The following CHST13 variants were observed in gnomAD, a reference collection of about 807,000 sequenced individuals.
CHST13 encodes carbohydrate sulfotransferase 13.
A neutral mutation model predicts 7.0 loss-of-function variants in CHST13; 1 was observed. The observed-to-expected ratio is 0.14, with a 90% CI of 0.05 to 0.68. The LOEUF is 0.68. CHST13 is among the 30% of genes least tolerant of loss of function. The pLI is 0.82. For missense variants in CHST13, 572 were observed against 507.9 expected (o/e 1.13, Z -1.21); for synonymous variants, 257 against 240.9 (o/e 1.07, Z -0.62).
At chr3:126,524,777 C>G (rs1936504259) in intron 1 of CHST13, among the ~76,000 whole-genome samples, 3 of 152,194 alleles carry the variant, frequency 2.0e-5, no homozygotes. Context: ...CCTGCGCACC[C>G]CACGGCCCCT....
chr3:126,524,841 G>C (rs1936505805), intron 1 of CHST13, among the ~76,000 whole-genome samples: 1 of 152,178 alleles, frequency 6.6e-6, no homozygotes, highest in East Asian at 1.9e-4. Context: ...TGGGCCACTC[G>C]GTCCGGTCCC....
At chr3:126,536,618 G>A (rs913815420) in intron 2 of CHST13, among the ~76,000 whole-genome samples, 22 of 152,046 alleles carry the variant, frequency 1.4e-4, no homozygotes, top group Admixed American at 8.5e-4. Flanking sequence ...AGATAAAAAA[G>A]AGTCAAAACA....
At chr3:126,530,033 G>A (rs1460162891) in intron 1 of CHST13, among the ~76,000 whole-genome samples, 1 of 152,216 alleles carries the variant, frequency 6.6e-6, no homozygotes, top group Non-Finnish European at 1.5e-5. Flanking sequence ...GGGGGTGGAT[G>A]CCCCAGTGTG....
At chr3:126,535,282 C>T (rs541145946) in intron 1 of CHST13, among the ~76,000 whole-genome samples, 1 of 150,892 alleles carries the variant, frequency 6.6e-6, no homozygotes, top group South Asian at 2.1e-4. Context: ...CTGTCCTCAG[C>T]TGGAGAAAGA....
At chr3:126,531,056 A>G (rs779655744) in intron 1 of CHST13, among the ~76,000 whole-genome samples, 2 of 152,264 alleles carry the variant, frequency 1.3e-5, no homozygotes, top group South Asian at 2.1e-4. Context: ...GCTGCCATCT[A>G]TTCCTTCCAC....
chr3:126,539,988 G>T (rs1312694390), intron 2 of CHST13, among the ~76,000 whole-genome samples: 1 of 72,904 alleles, frequency 1.4e-5, no homozygotes, highest in Non-Finnish European at 2.9e-5. Flanking sequence ...ACACACGCAT[G>T]ACACACACAC....
chr3:126,530,959 G>A (rs1382356391), intron 1 of CHST13, among the ~76,000 whole-genome samples: 1 of 152,282 alleles, frequency 6.6e-6, no homozygotes, highest in Admixed American at 6.5e-5. Flanking sequence ...GGGGCAGCAG[G>A]ACCCTGGACA....
At chr3:126,527,938 GC>G (rs1349752125) in intron 1 of CHST13, 2 of 152,076 alleles carry the variant, frequency 1.3e-5, no homozygotes, top group African/African-American at 4.8e-5. Context: ...GAAGTATGGG[GC>G]CAGGATTTAA....
At chr3:126,533,890 C>A (rs1936710225) in intron 1 of CHST13, among the ~76,000 whole-genome samples, 1 of 152,142 alleles carries the variant, frequency 6.6e-6, no homozygotes, top group Non-Finnish European at 1.5e-5. Flanking sequence ...ACTAATTCAA[C>A]ATCTTGACTT....
At chr3:126,539,471 C>T (rs1330758121) in intron 2 of CHST13, among the ~76,000 whole-genome samples, 1 of 148,658 alleles carries the variant, frequency 6.7e-6, no homozygotes, top group Non-Finnish European at 1.5e-5. Context: ...ACCACACACA[C>T]TGCACACACA....
Position 126,541,921 on chromosome 3 carries a change from G to T in CHST13, c.369G>T (p.Val123=), listed in dbSNP as rs372238580. 1 of 1,596,680 alleles carries T rather than the reference G, an allele frequency of 6.3e-7. No individual in the cohort carries two copies. Residue 123 remains valine, a synonymous_variant, in exon 3 of 3, where the codon GTG becomes GTT. Transcript: ENST00000319340. ...TGGCCTGCACCAACTGGAAGCGCGTGCTGCTGGCGCTGAGCGGCCAAGCCC... is the reference window on the plus strand; with the variant it reads ...TGGCCTGCACCAACTGGAAGCGCGTTCTGCTGGCGCTGAGCGGCCAAGCCC... The part of the protein sequence containing the change: ...PKVACTNWKR[V]LLALSGQARG...
In CHST13 at chr3:126,542,630, C is replaced by T; in HGVS notation, c.*52C>T. On this transcript the variant is annotated 3_prime_UTR_variant, in exon 3 of 3. Coordinates refer to ENST00000319340, the MANE Select transcript of CHST13 (RefSeq NM_152889.3). Reference sequence around the variant, plus strand: ...GGGGCAAGTGCCTTTCCGACAAGACCCCCGGGGAATGCAGGTGCTGCCGGC... The same window carrying T: ...GGGGCAAGTGCCTTTCCGACAAGACTCCCGGGGAATGCAGGTGCTGCCGGC... 7.0e-7 allele frequency: 1 copy of T among 1,420,030 alleles called. No homozygotes were observed. The highest frequency in any genetic ancestry group is 1.6e-5 in the South Asian group (1 of 63,364). The allele number at this position is 1,420,030 out of a possible 1,614,324, so 88.0% of individuals were successfully genotyped here.
At chr3:126,529,407 C>G (rs1329823356) in intron 1 of CHST13, 1 of 1,288,476 alleles carries the variant, frequency 7.8e-7, no homozygotes, top group Admixed American at 2.3e-5. Context: ...GGTGTCAGGA[C>G]AAGGGGGCAC....
chr3:126,529,545 CCT>C (rs1022570185), intron 1 of CHST13, among the ~76,000 whole-genome samples: 3 of 152,116 alleles, frequency 2.0e-5, no homozygotes, highest in African/African-American at 7.2e-5. Context: ...TCAGTTTCCC[CCT>C]CTGTCAAGTG....
At chr3:126,531,041 G>A (rs771480118) in intron 1 of CHST13, among the ~76,000 whole-genome samples, 4 of 152,276 alleles carry the variant, frequency 2.6e-5, no homozygotes, top group South Asian at 2.1e-4. Flanking sequence ...TGCAAGGCCC[G>A]TCCAGCTGCC....
In CHST13 at chr3:126,524,183, G is replaced by T; in HGVS notation, c.-150G>T. 2.2e-6 allele frequency: 1 copy of T among 463,482 alleles called. No individual in the cohort carries two copies. The highest frequency in any genetic ancestry group is 3.3e-6 in the Non-Finnish European group (1 of 299,556). 28.7% of individuals were successfully genotyped at this position (463,482 alleles called of 1,614,324 possible). A position where few individuals can be genotyped will look rare whatever the true frequency, so the allele number is the denominator to read the frequency against. On this transcript the variant is annotated 5_prime_UTR_variant, in exon 1 of 3. Coordinates refer to ENST00000319340, the MANE Select transcript of CHST13 (RefSeq NM_152889.3). ...CCCCAGCGACTCGCAGGGGCTGGTG[G>T]GGCTGGGGTCCAGCTGCCGTGCTCC...
At position 126,542,118 on chromosome 3, in the gene CHST13, C is replaced by A; in HGVS notation, c.566C>A (p.Ala189Glu). The A allele has an allele frequency of 2.5e-6, 4 of 1,577,202 alleles. No homozygotes were observed. The highest frequency in any genetic ancestry group is 3.4e-6 in the Non-Finnish European group (4 of 1,166,240). The change falls in exon 3 of 3, where the codon GCG becomes GAG. Residue 189 changes from alanine to glutamate, a missense_variant. Physicochemically the swap from Ala to Glu is moderately radical, Grantham distance 107. Transcript: ENST00000319340. ...GCATCGGCTTACCGCAACAAGCTCGCGCGCCCCTACAGCGCCGCCTTCCAG... is the reference window on the plus strand; with the variant it reads ...GCATCGGCTTACCGCAACAAGCTCGAGCGCCCCTACAGCGCCGCCTTCCAG... ...RLASAYRNKL[A>E]RPYSAAFQRR...
intron 1 of CHST13, among the ~76,000 whole-genome samples, chr3:126,531,685 A>T (rs1288916995): frequency 1.3e-5 from 2 of 152,228 alleles, no homozygotes; most frequent in African/African-American, 4.8e-5. Flanking sequence ...TGTTATGGAT[A>T]TACCACATTT....
In CHST13 at chr3:126,542,228, G is replaced by A. The variant is rs1289154843; in HGVS notation, c.676G>A (p.Ala226Thr). 1.3e-6 allele frequency: 2 copies of A among 1,505,760 alleles called. No homozygotes were observed. The highest frequency in any genetic ancestry group is 1.8e-6 in the Non-Finnish European group (2 of 1,134,910). The allele number at this position is 1,505,760 out of a possible 1,614,324, so 93.3% of individuals were successfully genotyped here. The change falls in exon 3 of 3, where the codon GCG (alanine) becomes ACG (threonine). Residue 226 changes from alanine (A) to threonine (T), a missense_variant. Physicochemically the swap from Ala to Thr is moderately conservative, Grantham distance 58 (BLOSUM62 0). Coordinates refer to ENST00000319340, the MANE Select transcript of CHST13 (RefSeq NM_152889.3). Reference sequence around the variant, plus strand: ...GGCCCGCGGCCACGACGTGCGCTTCGCGGAGTTCCTGGCCTACCTGCTGGA... The same window carrying A: ...GGCCCGCGGCCACGACGTGCGCTTCACGGAGTTCCTGGCCTACCTGCTGGA... The part of the protein sequence containing the change: ...ARARGHDVRF[A>T]EFLAYLLDPR...
Sources: gnomAD v4.1 joint callset for allele counts (sites outside exome capture counted in the v4.1 genomes callset) on GRCh38, gnomAD v4.1.1 for gene constraint, MANE v1.5 for transcripts, NCBI Gene and HGNC (gene_info 2026-07-23, HGNC 2026-07-21) for gene names.